Variants in TGM3 observed in about 807,000 individuals in gnomAD.
TGM3 encodes transglutaminase 3, also known as protein-glutamine gamma-glutamyltransferase E.
A neutral mutation model predicts 73.8 loss-of-function variants in TGM3; 52 were observed. The observed-to-expected ratio is 0.70, with a 90% confidence interval of 0.56 to 0.89. The LOEUF (loss-of-function observed/expected upper bound fraction) is 0.89. TGM3 is among the 40% of genes least tolerant of loss of function. TGM3 has a pLI of 0.00. For missense variants in TGM3, 928 were observed against 909.9 expected (o/e 1.02, Z -0.26); for synonymous variants, 372 against 354.9 (o/e 1.05, Z -0.54).
At position 2,318,505 on chromosome 20, in the gene TGM3, G is replaced by T. The variant is rs868287292; in HGVS notation, c.983+1020G>T. Among the ~76,000 whole-genome samples, 5 of 152,096 alleles carry T rather than the reference G, an allele frequency of 3.3e-5. No individual in the cohort carries two copies. The South Asian group carries it at 1.0e-3, about 32-fold the overall frequency. ...TATTATATAGATAAAAATAGACATT[G>T]TTACAACTGTTTAAGGTTATATCAT... On this transcript the variant is annotated intron_variant, in intron 7 of 12. Coordinates refer to ENST00000381458, the MANE Select transcript of TGM3 (RefSeq NM_003245.4).
At chr20:2,339,389 T>A (rs1279803504) in intron 11 of TGM3, among the ~76,000 whole-genome samples, 1 of 152,170 alleles carries the variant, frequency 6.6e-6, no homozygotes, top group African/African-American at 2.4e-5. Context: ...GTAATCCCAG[T>A]GCTTTGGGAG....
chr20:2,333,235 G>A (rs1230454957), intron 10 of TGM3, among the ~76,000 whole-genome samples: 1 of 152,198 alleles, frequency 6.6e-6, no homozygotes, highest in Non-Finnish European at 1.5e-5. Context: ...CAGAGAAACT[G>A]AGAGGTGTCA....
chr20:2,331,958 G>A (rs760701180), intron 9 of TGM3, 44 bp from the exon 10 acceptor site: 2 of 1,560,468 alleles, frequency 1.3e-6, no homozygotes, highest in African/African-American at 1.4e-5. Flanking sequence ...TGCCCAGGTT[G>A]CCATCACATC....
At chr20:2,325,241 C>T (rs1019175343) in intron 7 of TGM3, among the ~76,000 whole-genome samples, 13 of 152,142 alleles carry the variant, frequency 8.5e-5, no homozygotes, top group Admixed American at 5.2e-4. Context: ...ATGAGTAAGA[C>T]CTTGGCTACC....
intron 7 of TGM3, among the ~76,000 whole-genome samples, chr20:2,323,055 TTTTTTTCTTTTTCC>T (rs1174328520): frequency 2.0e-5 from 3 of 152,198 alleles, no homozygotes; most frequent in Non-Finnish European, 4.4e-5. Flanking sequence ...TACACATAGG[TTTTTTTCTTTTTCC>T]TTTTTTATTT....
rs540050580 is a variant in TGM3, at chr20:2,336,684, C to T, written c.1800+1411C>T. 1.0e-3 allele frequency among the ~76,000 whole-genome samples: 158 copies of T among 151,684 alleles called. 1 individual carries two copies. Among genetic ancestry groups the T allele is most frequent in the African/African-American group, 3.5e-3 (146 of 41,296 alleles). ...TCAGGATGGGGGAGTTGGTCCCCTA[C>T]CTTAGGGGCTAGAGAGTCAGTGACT... On this transcript the variant is annotated intron_variant, in intron 11 of 12. Transcript: ENST00000381458.
intron 1 of TGM3, among the ~76,000 whole-genome samples, chr20:2,306,472 CTTTT>C (rs33929365): frequency 7.7e-6 from 1 of 129,620 alleles, no homozygotes; most frequent in African/African-American, 2.8e-5. Flanking sequence ...CTTTTCCTTT[CTTTT>C]TTTTTTTTTT....
chr20:2,318,521 G>A (rs117682013), intron 7 of TGM3, among the ~76,000 whole-genome samples: 1 of 152,108 alleles, frequency 6.6e-6, no homozygotes, highest in East Asian at 1.9e-4. Context: ...ACTGTTTAAG[G>A]TTATATCATA....
chr20:2,334,942 C>T lies in TGM3; in HGVS notation c.1643-174C>T, dbSNP rs45516797. 7.5e-3 allele frequency among the ~76,000 whole-genome samples: 1,145 copies of T among 152,250 alleles called. 6 individuals carry two copies. Among genetic ancestry groups the T allele is most frequent in the Non-Finnish European group, 0.012 (850 of 68,010 alleles). On this transcript the variant is annotated intron_variant, in intron 10 of 12. Transcript: ENST00000381458. This position sits in a 1 kb window ranked among gnomAD's most constrained non-coding sequence, Gnocchi z 4.0. ...CCTCTTTGCCCCCTGCTCTGGAGCC[C>T]ACCCTGACCGGGGGACGCTTCCCAC...
chr20:2,323,545 G>C (rs964053402), intron 7 of TGM3, among the ~76,000 whole-genome samples: 4 of 152,242 alleles, frequency 2.6e-5, no homozygotes, highest in African/African-American at 9.6e-5. Flanking sequence ...ACTTACGTGA[G>C]TTTTTCCATG....
chr20:2,312,533 C>A (rs2084211365), intron 4 of TGM3, among the ~76,000 whole-genome samples: 1 of 152,052 alleles, frequency 6.6e-6, no homozygotes, highest in Non-Finnish European at 1.5e-5. Flanking sequence ...TTTGTGGCAG[C>A]CGGGGCGTCG....
In TGM3 at chr20:2,328,104, G is replaced by A. The variant is rs2084299363; in HGVS notation, c.1088-16G>A. On this transcript the variant is annotated splice_polypyrimidine_tract_variant and intron_variant, in intron 8 of 12. Coordinates refer to ENST00000381458, the MANE Select transcript of TGM3 (RefSeq NM_003245.4). The surrounding 1 kb of genome is among the most constrained non-coding windows in gnomAD (Gnocchi z 5.2). ...TGGCCTTGGCATATATCCAGCCTCT[G>A]CATCTTGGCCTCCAGGGGTGTTCCA... 2 of 1,613,976 alleles carry A rather than the reference G, an allele frequency of 1.2e-6. No homozygotes were observed. The highest frequency in any genetic ancestry group is 1.7e-6 in the Non-Finnish European group (2 of 1,179,962).
chr20:2,314,288 A>G (rs2084222133), intron 5 of TGM3, among the ~76,000 whole-genome samples: 1 of 152,164 alleles, frequency 6.6e-6, no homozygotes, highest in Admixed American at 6.5e-5. Context: ...GTCAGCTATG[A>G]TGGCACCACT....
chr20:2,317,167 C>A lies in TGM3; in HGVS notation c.769C>A (p.Leu257Ile), dbSNP rs546104594. The A allele has an allele frequency of 6.2e-7, 1 of 1,613,940 alleles. No homozygotes were observed. The highest frequency in any genetic ancestry group is 8.5e-7 in the Non-Finnish European group (1 of 1,180,018). Reference sequence around the variant, plus strand: ...GAGCTGGAACGGCAGCGTGGAGATCCTCAAAAATTGGAAAAAATCTGGCTT... The same window carrying A: ...GAGCTGGAACGGCAGCGTGGAGATCATCAAAAATTGGAAAAAATCTGGCTT... ...PRSWNGSVEI[L>I]KNWKKSGFSP... The change falls in exon 6 of 13, where the codon CTC becomes ATC. Residue 257 changes from leucine (L) to isoleucine (I), a missense_variant. Physicochemically the swap from Leu to Ile is conservative, Grantham distance 5. Coordinates refer to ENST00000381458, the MANE Select transcript of TGM3 (RefSeq NM_003245.4).
intron 1 of TGM3, among the ~76,000 whole-genome samples, chr20:2,308,983 T>C (rs1455756535): frequency 3.9e-5 from 6 of 152,038 alleles, no homozygotes; most frequent in Non-Finnish European, 5.9e-5. Flanking sequence ...ATTCAAGTGA[T>C]TCTCCTGCCT....
intron 4 of TGM3, among the ~76,000 whole-genome samples, chr20:2,312,396 CA>C (rs57369938): frequency 0.028 from 1,708 of 60,456 alleles, 46 homozygotes; most frequent in African/African-American, 0.091. Context: ...GACTCCGTCT[CA>C]AAAAAAAAAA....
rs1026755546 is a variant in TGM3 at position 2,320,633 on chromosome 20, C to T, written c.983+3148C>T. ...GGGGTAAATTTTTTTCTAAGCCACT[C>T]TGCTCGTGCCAATGGTTTGGCTTAA... is the stretch of plus-strand genomic sequence containing the variant. On this transcript the variant is annotated intron_variant, in intron 7 of 12. Coordinates refer to ENST00000381458, the MANE Select transcript of TGM3 (RefSeq NM_003245.4). Among the ~76,000 whole-genome samples the T allele has an allele frequency of 3.3e-5, 5 of 152,270 alleles. No homozygotes were observed. The South Asian group carries it at 1.0e-3, about 32-fold the overall frequency.
chr20:2,334,038 C>T lies in TGM3; in HGVS notation c.1643-1078C>T, dbSNP rs2084334516. 6.6e-6 allele frequency among the ~76,000 whole-genome samples: 1 copy of T among 152,194 alleles called. No individual in the cohort carries two copies. The highest frequency in any genetic ancestry group is 1.5e-5 in the Non-Finnish European group (1 of 68,040). On this transcript the variant is annotated intron_variant, in intron 10 of 12. Coordinates refer to ENST00000381458, the MANE Select transcript of TGM3 (RefSeq NM_003245.4). This position sits in a 1 kb window ranked among gnomAD's most constrained non-coding sequence, Gnocchi z 4.0. The stretch of plus-strand genomic sequence containing the variant: ...AATACTGTGGGTGCTGGGGCATCCC[C>T]AGGCCACCCAGCATGACAGCCTGAG...
At chr20:2,321,222 C>G (rs1196051713) in intron 7 of TGM3, among the ~76,000 whole-genome samples, 1 of 152,236 alleles carries the variant, frequency 6.6e-6, no homozygotes, top group Admixed American at 6.5e-5. Context: ...GATGCAGGAA[C>G]TGTGCTGGAG....
Sources: allele counts gnomAD v4.1 joint callset (sites outside exome capture counted in the v4.1 genomes callset), GRCh38; gene constraint gnomAD v4.1.1; non-coding constraint Gnocchi (gnomAD v3.1); transcripts MANE v1.5; gene names NCBI Gene and HGNC (gene_info 2026-07-23, HGNC 2026-07-21).